Variants in DIXDC1 observed in about 807,000 individuals in gnomAD.
The protein encoded by DIXDC1 is dixin.
DIXDC1 carries 64 observed loss-of-function variants against 103.1 expected under a neutral mutation model. That is an observed-to-expected ratio of 0.62 (90% CI 0.51 to 0.76). The LOEUF (loss-of-function observed/expected upper bound fraction) is 0.76. Among genes scored for constraint, DIXDC1 ranks in the 30% least tolerant of loss-of-function variants. The pLI is 0.00. For synonymous variants in DIXDC1, 266 were observed against 298.5 expected, an observed-to-expected ratio of 0.89 and a Z score of 1.12; for missense variants, 759 against 834.2, an observed-to-expected ratio of 0.91 and a Z score of 1.11.
intron 2 of DIXDC1, chr11:111,929,944 A>G: frequency 6.6e-7 from 1 of 1,522,776 alleles, no homozygotes; most frequent in Non-Finnish European, 8.8e-7. Flanking sequence ...GAAAAGCGTG[A>G]TGATGTTACT....
intron 3 of DIXDC1, among the ~76,000 whole-genome samples, chr11:111,969,420 T>C (rs1325246162): frequency 6.6e-6 from 1 of 152,198 alleles, no homozygotes; most frequent in African/African-American, 2.4e-5. Context: ...TTTTTCCATC[T>C]AGTTTTTTAG....
intron 1 of DIXDC1, among the ~76,000 whole-genome samples, chr11:111,959,387 G>T (rs183347068): frequency 6.6e-6 from 1 of 152,358 alleles, no homozygotes; most frequent in East Asian, 1.9e-4. Context: ...TGTGGAAGCT[G>T]CTTGCAGTAT....
chr11:112,013,157 G>C (rs1429462349), intron 17 of DIXDC1, among the ~76,000 whole-genome samples: 1 of 152,076 alleles, frequency 6.6e-6, no homozygotes, highest in East Asian at 1.9e-4. Flanking sequence ...TCCTCACATG[G>C]GGGAGAGAAA....
intron 3 of DIXDC1, among the ~76,000 whole-genome samples, chr11:111,971,857 A>G (rs1394122347): frequency 6.6e-6 from 1 of 152,190 alleles, no homozygotes; most frequent in Admixed American, 6.5e-5. Flanking sequence ...TAAGCAAACT[A>G]ATGCAGAACC....
chr11:111,928,909 G>A (rs1030190916), intron 1 of DIXDC1, among the ~76,000 whole-genome samples: 3 of 151,684 alleles, frequency 2.0e-5, no homozygotes, highest in Non-Finnish European at 4.4e-5. Context: ...TATACATGCC[G>A]GGCCATGCGC....
chr11:112,002,106 T>C (rs1218389192), intron 17 of DIXDC1, among the ~76,000 whole-genome samples: 1 of 152,094 alleles, frequency 6.6e-6, no homozygotes, highest in Non-Finnish European at 1.5e-5. Flanking sequence ...ATAGGAACCT[T>C]GGGAGCCACA....
chr11:111,990,223 TG>T (rs1566541240), intron 10 of DIXDC1, among the ~76,000 whole-genome samples: 1 of 151,974 alleles, frequency 6.6e-6, no homozygotes, highest in Non-Finnish European at 1.5e-5. Context: ...CCCGAGTAGC[TG>T]GGATTACAGG....
intron 1 of DIXDC1, among the ~76,000 whole-genome samples, chr11:111,962,883 C>T (rs1191999445): frequency 6.6e-6 from 1 of 152,194 alleles, no homozygotes; most frequent in Admixed American, 6.5e-5. Context: ...CTGCTTCTGA[C>T]TGCACAATGG....
intron 7 of DIXDC1, among the ~76,000 whole-genome samples, chr11:111,984,686 G>A (rs1314565529): frequency 1.3e-5 from 2 of 152,182 alleles, no homozygotes; most frequent in Non-Finnish European, 2.9e-5. Flanking sequence ...AACCACCTGG[G>A]TCAGGAGCTG....
chr11:111,928,015 CAAAAAAA>C lies in DIXDC1; in HGVS notation c.-37+645_-37+651del, dbSNP rs782156043. 5.1e-4 allele frequency among the ~76,000 whole-genome samples: 35 copies of C among 68,762 alleles called. No individual in the cohort carries two copies. In the South Asian group the frequency reaches 0.014, roughly 28 times the overall value. 45.1% of individuals were successfully genotyped at this position (68,762 alleles called of 152,430 possible). On this transcript the variant is annotated intron_variant, in intron 1 of 5. Transcript: ENST00000529225. ...TGGGGGACACAGCAAGACTCCATCT[CAAAAAAA>C]AAAAAAAAAAAAAAAATAGTATTAG...
rs1277785232 is a variant in DIXDC1, at chr11:112,022,329, G to C, written c.*3293G>C. On this transcript the variant is annotated 3_prime_UTR_variant, in exon 20 of 20. Coordinates refer to ENST00000440460, the MANE Select transcript of DIXDC1 (RefSeq NM_001037954.4). The surrounding 1 kb of genome is among the most constrained non-coding windows in gnomAD (Gnocchi z 4.9). ...TTCTACTGTCTGAATTTATGTAAGAGGTATAGCTTGCTTAAAATACATATA... is the reference window on the plus strand; with the variant it reads ...TTCTACTGTCTGAATTTATGTAAGACGTATAGCTTGCTTAAAATACATATA... 2 of 152,232 alleles carry C rather than the reference G, an allele frequency of 1.3e-5. No homozygotes were observed. The highest frequency in any genetic ancestry group is 4.8e-5 in the African/African-American group (2 of 41,546). 9.4% of individuals were successfully genotyped at this position (152,232 alleles called of 1,614,324 possible).
Position 111,964,583 on chromosome 11 carries a change from C to G in DIXDC1, c.95C>G (p.Ala32Gly). Residue 32 changes from alanine (A) to glycine (G), a missense_variant, in exon 2 of 20, where the codon GCA (alanine) becomes GGA (glycine). Ala to Gly is a moderately conservative substitution (Grantham distance 60). Around this residue, in one of 3 missense-constraint regions of DIXDC1, gnomAD observed 97 missense variants for 85.4 expected, o/e 1.14. Transcript: ENST00000440460. ...CAGGCCTATGTGGCCTGGGTGAATG[C>G]ACAGCTGAAGAAGAGGCCAGCAGTG... is the stretch of plus-strand genomic sequence containing the variant. ...QLQAYVAWVN[A>G]QLKKRPAVKP... 6.2e-7 allele frequency: 1 copy of G among 1,609,130 alleles called. No individual in the cohort carries two copies.
In DIXDC1 at chr11:111,993,750, A is replaced by AC. The variant is rs1477143685; in HGVS notation, c.1437+14dup. 8 of 1,613,384 alleles carry AC rather than the reference A, an allele frequency of 5.0e-6. No homozygotes were observed. The highest frequency in any genetic ancestry group is 5.9e-6 in the Non-Finnish European group (7 of 1,179,664). ...AAGAGAGGCAGATGAGGTAACCTAG[A>AC]CCCCGTGTTCTCCCTCCCACATTTA... is the stretch of plus-strand genomic sequence containing the variant. On this transcript the variant is annotated intron_variant, in intron 14 of 19. Coordinates refer to ENST00000440460, the MANE Select transcript of DIXDC1 (RefSeq NM_001037954.4).
Position 112,021,683 on chromosome 11 carries a change from C to T in DIXDC1, c.*2647C>T, listed in dbSNP as rs1555178523. ...TTGAATGCTCAATTCCTTACAAAATCTTCATTTAAGGCTGAGTGTGGTGGC... is the reference window on the plus strand; with the variant it reads ...TTGAATGCTCAATTCCTTACAAAATTTTCATTTAAGGCTGAGTGTGGTGGC... On this transcript the variant is annotated 3_prime_UTR_variant, in exon 20 of 20. Coordinates refer to ENST00000440460, the MANE Select transcript of DIXDC1 (RefSeq NM_001037954.4). The T allele has an allele frequency of 1.3e-5, 2 of 152,188 alleles. No individual in the cohort carries two copies. The highest frequency in any genetic ancestry group is 2.9e-5 in the Non-Finnish European group (2 of 68,048). The allele number at this position is 152,188 out of a possible 1,614,324, so 9.4% of individuals were successfully genotyped here. A position where few individuals can be genotyped will look rare whatever the true frequency, so the allele number is the denominator to read the frequency against.
Position 111,977,248 on chromosome 11 carries a change from GCCCGGCTGCCTCGCCGCGTGTGACAGC to G in DIXDC1, c.656+2268_656+2294del. The G allele has an allele frequency of 2.0e-6, 2 of 1,002,882 alleles. No individual in the cohort carries two copies. The highest frequency in any genetic ancestry group is 2.4e-6 in the Non-Finnish European group (2 of 841,864). 62.1% of individuals were successfully genotyped at this position (1,002,882 alleles called of 1,614,324 possible). A position where few individuals can be genotyped will look rare whatever the true frequency, so the allele number is the denominator to read the frequency against. ...GCCAGCGGAGCTGGCTTGGGTCGGA[GCCCGGCTGCCTCGCCGCGTGTGACAGC>G]CCAGGGAGGGAGCAGAGGGTGGGGC... On this transcript the variant is annotated intron_variant, in intron 5 of 19. Coordinates refer to ENST00000440460, the MANE Select transcript of DIXDC1 (RefSeq NM_001037954.4). This position sits in a 1 kb window ranked among gnomAD's most constrained non-coding sequence, Gnocchi z 6.1.
Position 111,968,353 on chromosome 11 carries a change from A to G in DIXDC1, c.191-160A>G, listed in dbSNP as rs147876762. Among the ~76,000 whole-genome samples, 4 of 152,266 alleles carry G rather than the reference A, an allele frequency of 2.6e-5. No homozygotes were observed. The East Asian group carries it at 7.7e-4, about 29-fold the overall frequency. Reference sequence around the variant, plus strand: ...CCTTCCAAAAGGCTTTCATATTCCTATTTCCCATCTAAATGACAAACACCA... The same window carrying G: ...CCTTCCAAAAGGCTTTCATATTCCTGTTTCCCATCTAAATGACAAACACCA... On this transcript the variant is annotated intron_variant, in intron 2 of 19. Coordinates refer to ENST00000440460, the MANE Select transcript of DIXDC1 (RefSeq NM_001037954.4).
rs370516774 is a variant in DIXDC1, at chr11:111,995,096, C to T, written c.1515C>T (p.Val505=). 11 of 1,613,640 alleles carry T rather than the reference C, an allele frequency of 6.8e-6. No individual in the cohort carries two copies. In the African/African-American group the frequency reaches 1.3e-4, roughly 20 times the overall value. The change falls in exon 15 of 20, where the codon GTC becomes GTT. Residue 505 remains valine (V), a synonymous_variant. Transcript: ENST00000440460. ...LPTAGKGATS[V]SNRGTSDLQL... is the part of the protein sequence containing the mutation. ...CGGCAGGAAAAGGAGCTACTTCAGT[C>T]AGCAACAGAGGGGTACGTACCTGGA...
At position 111,995,190 on chromosome 11, in the gene DIXDC1, G is replaced by A. The variant is rs587739826; in HGVS notation, c.1527+82G>A. ...GCCAAAGCCATGGCCAGTGGATGAGGCCTTTTATATTCCAGTTCCCTAATT... is the reference window on the plus strand; with the variant it reads ...GCCAAAGCCATGGCCAGTGGATGAGACCTTTTATATTCCAGTTCCCTAATT... On this transcript the variant is annotated intron_variant, in intron 15 of 19. Transcript: ENST00000440460. 2.8e-5 allele frequency: 40 copies of A among 1,442,866 alleles called. No homozygotes were observed. In the South Asian group the frequency reaches 4.6e-4, roughly 17 times the overall value. The allele number at this position is 1,442,866 out of a possible 1,614,324, so 89.4% of individuals were successfully genotyped here. A position where few individuals can be genotyped will look rare whatever the true frequency, so the allele number is the denominator to read the frequency against.
chr11:111,978,685 A>T (rs1462520793), intron 5 of DIXDC1, among the ~76,000 whole-genome samples: 2 of 151,968 alleles, frequency 1.3e-5, no homozygotes, highest in East Asian at 1.9e-4. Flanking sequence ...TTCACACTGC[A>T]CCCTCCTCCC....
Sources: allele counts gnomAD v4.1 joint callset (sites outside exome capture counted in the v4.1 genomes callset), GRCh38; gene constraint gnomAD v4.1.1; regional missense constraint gnomAD v4.1.1; non-coding constraint Gnocchi (gnomAD v3.1); transcripts MANE v1.5; gene names NCBI Gene and HGNC (gene_info 2026-07-23, HGNC 2026-07-21).